Variants in ADGRB3 observed in about 807,000 individuals in gnomAD.
The protein encoded by ADGRB3 is adhesion G protein-coupled receptor B3, also known as brain-specific angiogenesis inhibitor 3.
A neutral mutation model predicts 193.4 loss-of-function variants in ADGRB3; 37 were observed. The ratio of observed to expected loss-of-function variants is 0.19; its 90% CI spans 0.15 to 0.25. ADGRB3 has a LOEUF of 0.25. Among genes scored for constraint, ADGRB3 ranks in the 10% least tolerant of loss-of-function variants. The pLI is 1.00. For synonymous variants in ADGRB3, 690 were observed against 644.2 expected (o/e 1.07, Z -1.08); for missense variants, 1,637 against 1,852.9 (o/e 0.88, Z 2.14).
chr6:69,106,773 C>T (rs1773226570), intron 17 of ADGRB3, among the ~76,000 whole-genome samples: 2 of 152,172 alleles, frequency 1.3e-5, no homozygotes. Flanking sequence ...GTAGAAATGA[C>T]CAATGTGCTA....
intron 16 of ADGRB3, among the ~76,000 whole-genome samples, chr6:69,069,747 A>AAAAAAAG (rs1554257227): frequency 8.7e-6 from 1 of 115,468 alleles, no homozygotes; most frequent in Admixed American, 1.1e-4. Flanking sequence ...AAAAAAAAAA[A>AAAAAAAG]AAAGAAAGAA....
intron 17 of ADGRB3, among the ~76,000 whole-genome samples, chr6:69,202,941 T>G (rs1221195407): frequency 6.6e-6 from 1 of 152,080 alleles, no homozygotes; most frequent in African/African-American, 2.4e-5. Flanking sequence ...ACATGACCTT[T>G]AACAGTAATA....
intron 17 of ADGRB3, among the ~76,000 whole-genome samples, chr6:69,223,450 A>T (rs1016185980): frequency 1.3e-5 from 2 of 152,096 alleles, no homozygotes; most frequent in African/African-American, 4.8e-5. Flanking sequence ...GTAGCCTTGC[A>T]GGAATGTGCT....
At chr6:69,076,136 T>G in intron 17 of ADGRB3, 98 bp downstream of exon 17, 1 of 1,026,838 alleles carries the variant, frequency 9.7e-7, no homozygotes, top group South Asian at 1.4e-5. Context: ...TATAAGTCAG[T>G]GGGATGTTGC....
intron 3 of ADGRB3, among the ~76,000 whole-genome samples, chr6:68,719,327 T>A (rs1393806202): frequency 6.6e-6 from 1 of 151,772 alleles, no homozygotes; most frequent in East Asian, 1.9e-4. Flanking sequence ...ATTTTAGGTA[T>A]GACTAGTGTG....
At chr6:69,210,439 T>C (rs1195321225) in intron 17 of ADGRB3, among the ~76,000 whole-genome samples, 3 of 152,130 alleles carry the variant, frequency 2.0e-5, no homozygotes, top group African/African-American at 7.2e-5. Context: ...TGGGTCTGTC[T>C]TTCCCCGCCT....
chr6:68,878,681 A>G (rs1765654382), intron 3 of ADGRB3, among the ~76,000 whole-genome samples: 1 of 152,114 alleles, frequency 6.6e-6, no homozygotes, highest in South Asian at 2.1e-4. Flanking sequence ...TTTTTGTCAC[A>G]TTTTTCTATT....
chr6:69,119,073 G>A (rs1225157634), intron 17 of ADGRB3, among the ~76,000 whole-genome samples: 2 of 152,158 alleles, frequency 1.3e-5, no homozygotes, highest in Non-Finnish European at 2.9e-5. Flanking sequence ...TTTGTTATTA[G>A]CAGCATTTCG....
chr6:68,949,250 C>T (rs1767852448), intron 6 of ADGRB3, among the ~76,000 whole-genome samples: 1 of 152,062 alleles, frequency 6.6e-6, no homozygotes, highest in East Asian at 1.9e-4. Flanking sequence ...GAAATACCCT[C>T]ATACAAGCTG....
intron 17 of ADGRB3, among the ~76,000 whole-genome samples, chr6:69,186,479 C>T (rs760889699): frequency 1.1e-4 from 16 of 151,076 alleles, no homozygotes; most frequent in South Asian, 2.1e-4. Context: ...AAGTATAGAA[C>T]GAGAATACAA....
At chr6:68,945,317 A>G (rs1178567899) in intron 6 of ADGRB3, among the ~76,000 whole-genome samples, 2 of 152,086 alleles carry the variant, frequency 1.3e-5, no homozygotes, top group Non-Finnish European at 2.9e-5. Flanking sequence ...GTTAATATTC[A>G]TACAATTATG....
At chr6:68,849,272 G>A (rs1301199625) in intron 3 of ADGRB3, among the ~76,000 whole-genome samples, 2 of 151,736 alleles carry the variant, frequency 1.3e-5, no homozygotes, top group African/African-American at 2.4e-5. Flanking sequence ...TGAAGGGTTT[G>A]CAGTAAAGTC....
intron 13 of ADGRB3, among the ~76,000 whole-genome samples, chr6:69,039,252 G>GAAA (rs34473584): frequency 7.4e-6 from 1 of 135,612 alleles, no homozygotes. Flanking sequence ...AATAAGGAAA[G>GAAA]AAAAAAAAAA....
intron 23 of ADGRB3, 173 bp from the exon 24 acceptor site, chr6:69,332,750 C>T: frequency 1.0e-6 from 1 of 985,332 alleles, no homozygotes; most frequent in South Asian, 4.7e-5. Flanking sequence ...AGTAGCACAC[C>T]ACTGTTAAAT....
At chr6:68,930,025 T>C (rs1767294699) in intron 3 of ADGRB3, among the ~76,000 whole-genome samples, 1 of 150,340 alleles carries the variant, frequency 6.7e-6, no homozygotes, top group Non-Finnish European at 1.5e-5. Flanking sequence ...CTATATTCCA[T>C]GAGCCTTTGA....
chr6:68,772,739 C>G (rs1766643031), intron 3 of ADGRB3, among the ~76,000 whole-genome samples: 2 of 150,754 alleles, frequency 1.3e-5, no homozygotes, highest in African/African-American at 4.9e-5. Flanking sequence ...ACAAACAGGC[C>G]AGGTGTGGTA....
At chr6:69,048,458 C>CT in intron 14 of ADGRB3, 124 bp downstream of exon 14, 1 of 1,009,186 alleles carries the variant, frequency 9.9e-7, no homozygotes, top group Non-Finnish European at 1.4e-6. Context: ...TTATTTTAAA[C>CT]TAATTTTCTA....
At chr6:69,104,175 A>C in intron 17 of ADGRB3, among the ~76,000 whole-genome samples, 2 of 138,724 alleles carry the variant, frequency 1.4e-5, no homozygotes, top group East Asian at 2.4e-4. Flanking sequence ...TCCCAATGCT[A>C]TCCCTCCCCC....
chr6:68,738,952 A>C (rs1765925801), intron 3 of ADGRB3, among the ~76,000 whole-genome samples: 1 of 152,158 alleles, frequency 6.6e-6, no homozygotes. Flanking sequence ...GGACATGAAG[A>C]GGATACAGGA....
Sources: allele counts gnomAD v4.1 joint callset (sites outside exome capture counted in the v4.1 genomes callset), GRCh38; gene constraint gnomAD v4.1.1; transcripts MANE v1.5; gene names NCBI Gene and HGNC (gene_info 2026-07-23, HGNC 2026-07-21).